Variants in ATP8B4 observed in about 807,000 individuals in gnomAD.
ATP8B4 encodes ATPase phospholipid transporting 8B4 (putative).
ATP8B4 carries 133 observed loss-of-function variants against 145.6 expected under a neutral mutation model. That is an observed-to-expected ratio of 0.91 (90% confidence interval 0.79 to 1.05). The LOEUF (loss-of-function observed/expected upper bound fraction) is 1.05. ATP8B4 is among the 50% of genes least tolerant of loss of function. The pLI, the probability that ATP8B4 is intolerant of heterozygous loss-of-function variation, is 0.00. For missense variants in ATP8B4, 1,458 were observed against 1,425.2 expected (o/e 1.02, Z -0.37); for synonymous variants, 507 against 492.9 (o/e 1.03, Z -0.38).
At chr15:50,009,015 A>G (rs2048522585) in intron 7 of ATP8B4, among the ~76,000 whole-genome samples, 1 of 152,222 alleles carries the variant, frequency 6.6e-6, no homozygotes, top group Non-Finnish European at 1.5e-5. Context: ...AGTCATTGCC[A>G]AAAACATTTG....
At chr15:50,131,722 C>A (rs986186760) in intron 1 of ATP8B4, among the ~76,000 whole-genome samples, 1 of 148,554 alleles carries the variant, frequency 6.7e-6, no homozygotes, top group Non-Finnish European at 1.5e-5. Flanking sequence ...ATAATACTAA[C>A]AATATTTATA....
intron 13 of ATP8B4, among the ~76,000 whole-genome samples, chr15:49,962,705 C>G (rs1487457214): frequency 2.6e-5 from 4 of 151,960 alleles, no homozygotes; most frequent in African/African-American, 9.7e-5. Flanking sequence ...CATATATTCA[C>G]CATATTGTTC....
chr15:49,904,256 G>C (rs908831625), intron 20 of ATP8B4, among the ~76,000 whole-genome samples: 7 of 152,172 alleles, frequency 4.6e-5, no homozygotes, highest in Non-Finnish European at 2.9e-5. Context: ...CAACAGTAGA[G>C]AAAGGGAGAA....
chr15:49,906,961 G>C (rs151200181), intron 20 of ATP8B4, among the ~76,000 whole-genome samples: 55 of 152,308 alleles, frequency 3.6e-4, no homozygotes, highest in South Asian at 8.3e-4. Flanking sequence ...AATCAGCAGA[G>C]TAAAGGGATT....
chr15:49,996,534 G>T, intron 9 of ATP8B4, 143 bp downstream of exon 9: 1 of 629,550 alleles, frequency 1.6e-6, no homozygotes, highest in Non-Finnish European at 2.7e-6. Flanking sequence ...TTTAGCGTGC[G>T]AAGAAATTAC....
chr15:50,003,527 C>T (rs1171866398), intron 7 of ATP8B4, among the ~76,000 whole-genome samples: 6 of 152,050 alleles, frequency 3.9e-5, no homozygotes, highest in Non-Finnish European at 8.8e-5. Context: ...AAAAACTACC[C>T]ATCCTGATTT....
intron 20 of ATP8B4, chr15:49,902,231 G>T (rs1275131485): frequency 6.6e-6 from 1 of 152,230 alleles, no homozygotes; most frequent in Non-Finnish European, 1.5e-5. Context: ...GGAGAACATG[G>T]AGAGTGAGAG....
intron 13 of ATP8B4, among the ~76,000 whole-genome samples, chr15:49,969,593 T>C (rs534734187): frequency 1.3e-5 from 2 of 152,258 alleles, no homozygotes; most frequent in Non-Finnish European, 2.9e-5. Context: ...AATGCCTGAA[T>C]AGACCAATAA....
At chr15:49,981,429 C>T in intron 10 of ATP8B4, 135 bp from the exon 11 acceptor site, 1 of 648,212 alleles carries the variant, frequency 1.5e-6, no homozygotes, top group Non-Finnish European at 2.5e-6. Flanking sequence ...AGAGCAAGGG[C>T]CATTAAGTTG....
chr15:50,135,498 G>A (rs777328288), intron 1 of ATP8B4, among the ~76,000 whole-genome samples: 10 of 152,132 alleles, frequency 6.6e-5, no homozygotes, highest in Non-Finnish European at 1.5e-4. Context: ...ATATCTGCCC[G>A]AGATCACTTT....
intron 2 of ATP8B4, among the ~76,000 whole-genome samples, chr15:50,102,588 T>G (rs1483980987): frequency 2.6e-5 from 4 of 152,164 alleles, no homozygotes; most frequent in African/African-American, 9.6e-5. Flanking sequence ...ACAGTGAGAT[T>G]GAAATGGTAA....
chr15:49,998,752 C>T (rs2047637270), intron 8 of ATP8B4, among the ~76,000 whole-genome samples: 1 of 152,148 alleles, frequency 6.6e-6, no homozygotes, highest in South Asian at 2.1e-4. Context: ...AATTAGATCC[C>T]ATTTGTCAAT....
intron 16 of ATP8B4, among the ~76,000 whole-genome samples, chr15:49,924,980 G>A (rs932639558): frequency 6.6e-5 from 10 of 152,058 alleles, no homozygotes; most frequent in African/African-American, 2.4e-4. Flanking sequence ...AAAGGCAAAC[G>A]ATGAATAACC....
chr15:50,063,372 A>G (rs1254459532), intron 3 of ATP8B4, among the ~76,000 whole-genome samples: 1 of 152,050 alleles, frequency 6.6e-6, no homozygotes, highest in Non-Finnish European at 1.5e-5. Flanking sequence ...TTAAAAAAAA[A>G]AATGCCTGGA....
chr15:50,094,809 C>T (rs1293585554), intron 2 of ATP8B4, among the ~76,000 whole-genome samples: 1 of 151,278 alleles, frequency 6.6e-6, no homozygotes, highest in African/African-American at 2.4e-5. Context: ...AATACAGAAA[C>T]ATAACACCTG....
chr15:50,053,071 TC>T (rs2052317119), intron 3 of ATP8B4, among the ~76,000 whole-genome samples: 1 of 152,152 alleles, frequency 6.6e-6, no homozygotes, highest in South Asian at 2.1e-4. Context: ...ACAGCTTGGA[TC>T]AGGGTGGGGA....
At position 50,061,449 on chromosome 15, in the gene ATP8B4, C is replaced by T. The variant is rs533352034; in HGVS notation, c.87+12678G>A. ...CAGGCAATAGCATATAGGCCCTGAACGGTTTCAGGAATTTAGTAATAACTA... is the reference window on the plus strand; with the variant it reads ...CAGGCAATAGCATATAGGCCCTGAATGGTTTCAGGAATTTAGTAATAACTA... On this transcript the variant is annotated intron_variant, in intron 3 of 27. Coordinates refer to ENST00000284509, the MANE Select transcript of ATP8B4 (RefSeq NM_024837.4). 1.1e-4 allele frequency among the ~76,000 whole-genome samples: 16 copies of T among 152,182 alleles called. No individual in the cohort carries two copies. The South Asian group carries it at 2.3e-3, about 22-fold the overall frequency.
intron 3 of ATP8B4, among the ~76,000 whole-genome samples, chr15:50,061,926 T>C (rs1021624771): frequency 6.6e-6 from 1 of 152,244 alleles, no homozygotes; most frequent in Admixed American, 6.5e-5. Flanking sequence ...TCAGATACAG[T>C]GAAAATGTTT....
intron 5 of ATP8B4, among the ~76,000 whole-genome samples, chr15:50,039,221 A>T (rs2051081209): frequency 6.6e-6 from 1 of 152,360 alleles, no homozygotes; most frequent in Non-Finnish European, 1.5e-5. Flanking sequence ...TTATTAGAAC[A>T]TCATTCTTTC....
Sources: gnomAD v4.1 joint callset for allele counts (sites outside exome capture counted in the v4.1 genomes callset) on GRCh38, gnomAD v4.1.1 for gene constraint, MANE v1.5 for transcripts, NCBI Gene and HGNC (gene_info 2026-07-23, HGNC 2026-07-21) for gene names.